Variants in PHACTR2 observed in about 807,000 individuals in gnomAD.
PHACTR2 encodes phosphatase and actin regulator 2.
Under a neutral mutation model 76.0 loss-of-function variants are expected in PHACTR2, and 30 were observed. That is an observed-to-expected ratio of 0.39 (90% confidence interval 0.30 to 0.54). The LOEUF is 0.54. PHACTR2 is among the 20% of genes least tolerant of loss of function. The pLI, the probability that PHACTR2 is intolerant of heterozygous loss-of-function variation, is 0.61. For missense variants in PHACTR2, 696 were observed against 781.1 expected, an observed-to-expected ratio of 0.89 and a Z score of 1.30; for synonymous variants, 292 against 292.5, an observed-to-expected ratio of 1.00 and a Z score of 0.02.
At chr6:143,560,884 T>G (rs369897935) in intron 1 of PHACTR2, among the ~76,000 whole-genome samples, 59 of 27,880 alleles carry the variant, frequency 2.1e-3, no homozygotes, top group South Asian at 5.7e-3. Flanking sequence ...AGCAGAGGGG[T>G]GTGTGTGTGT....
chr6:143,572,563 T>G (rs906855914), intron 1 of PHACTR2, among the ~76,000 whole-genome samples: 1 of 152,232 alleles, frequency 6.6e-6, no homozygotes, highest in African/African-American at 2.4e-5. Context: ...TGGTTGTTGT[T>G]GTTTTTGAAA....
intron 11 of PHACTR2, among the ~76,000 whole-genome samples, chr6:143,805,895 G>A (rs1776052821): frequency 6.6e-6 from 1 of 152,200 alleles, no homozygotes; most frequent in Non-Finnish European, 1.5e-5. Context: ...GAGAGAGCTA[G>A]AGACAGGCCT....
chr6:143,577,312 G>T (rs1244180382), intron 1 of PHACTR2, among the ~76,000 whole-genome samples: 1 of 152,130 alleles, frequency 6.6e-6, no homozygotes, highest in Admixed American at 6.5e-5. Context: ...CACAGTCAAG[G>T]TCATCAGTAT....
At chr6:143,668,059 C>T (rs6914096) in intron 1 of PHACTR2, among the ~76,000 whole-genome samples, 51,488 of 151,870 alleles carry the variant, frequency 0.34, 9,097 homozygotes, top group African/African-American at 0.45. Flanking sequence ...GTTTTATCAA[C>T]ACCTAGTTTA....
chr6:143,672,321 C>T lies in PHACTR2; in HGVS notation c.14-39695C>T, dbSNP rs535726497. ...AAAAAATTACAAATAATTAGCTGGG[C>T]ATGGTGGCAGGCACCCATAGTCCCA... On this transcript the variant is annotated intron_variant, in intron 1 of 11. Transcript: ENST00000305766. The surrounding 1 kb of genome is among the most constrained non-coding windows in gnomAD (Gnocchi z 5.8). Among the ~76,000 whole-genome samples, 1 of 151,848 alleles carries T rather than the reference C, an allele frequency of 6.6e-6. No individual in the cohort carries two copies. Among genetic ancestry groups the T allele is most frequent in the South Asian group, 2.1e-4 (1 of 4,806 alleles).
chr6:143,746,008 A>T (rs571101789), intron 2 of PHACTR2, among the ~76,000 whole-genome samples: 1 of 152,366 alleles, frequency 6.6e-6, no homozygotes, highest in South Asian at 2.1e-4. Context: ...ACTCAAAACT[A>T]AAACTAAAGA....
intron 1 of PHACTR2, among the ~76,000 whole-genome samples, chr6:143,703,185 T>TAACACA (rs1777957485): frequency 7.5e-6 from 1 of 133,032 alleles, no homozygotes; most frequent in Non-Finnish European, 1.6e-5. Flanking sequence ...AAAGAACAGG[T>TAACACA]AACACAAATC....
chr6:143,642,940 A>T (rs1380952885), intron 1 of PHACTR2, among the ~76,000 whole-genome samples: 1 of 152,210 alleles, frequency 6.6e-6, no homozygotes, highest in Admixed American at 6.5e-5. Context: ...TAACCCTAGC[A>T]TACTAATAGT....
chr6:143,700,452 G>A lies in PHACTR2; in HGVS notation c.47-11564G>A, dbSNP rs933562792. 2.6e-5 allele frequency among the ~76,000 whole-genome samples: 4 copies of A among 152,124 alleles called. 1 individual carries two copies. Among genetic ancestry groups the A allele is most frequent in the African/African-American group, 9.7e-5 (4 of 41,412 alleles). On this transcript the variant is annotated intron_variant, in intron 1 of 12. Coordinates refer to ENST00000440869, the MANE Select transcript of PHACTR2 (RefSeq NM_001100164.2). The surrounding 1 kb of genome is among the most constrained non-coding windows in gnomAD (Gnocchi z 4.1). ...CACCTGTAATCCCAGCTACTCGGGA[G>A]GCTGAGGCAAGAGAATCACTTGGAC... is the stretch of plus-strand genomic sequence containing the variant.
rs968742539 is a variant in PHACTR2, at chr6:143,780,152, T to A, written c.1645+2769T>A. ...TTTCCCCAACATTTTATTATGAAAA[T>A]TTTTAAACATGAAGAAAAGTTGGAG... is the stretch of plus-strand genomic sequence containing the variant. On this transcript the variant is annotated intron_variant, in intron 9 of 12. Coordinates refer to ENST00000440869, the MANE Select transcript of PHACTR2 (RefSeq NM_001100164.2). This position sits in a 1 kb window ranked among gnomAD's most constrained non-coding sequence, Gnocchi z 4.4. Among the ~76,000 whole-genome samples the A allele has an allele frequency of 6.6e-6, 1 of 152,064 alleles. No individual in the cohort carries two copies. Among genetic ancestry groups the A allele is most frequent in the Non-Finnish European group, 1.5e-5 (1 of 68,022 alleles).
At chr6:143,545,002 G>A (rs1380057416) in intron 1 of PHACTR2, among the ~76,000 whole-genome samples, 1 of 151,502 alleles carries the variant, frequency 6.6e-6, no homozygotes, top group East Asian at 1.9e-4. Flanking sequence ...GGAATGCAGT[G>A]GTGCCATCTC....
rs1193270636 is a variant in PHACTR2 at position 143,775,244 on chromosome 6, CA to C, written c.1589+1030del. ...TATCTGAAGGAAAAGCACAGCCTAC[CA>C]GGGAACCTCGGGGGAGGCTTAGAGG... On this transcript the variant is annotated intron_variant, in intron 8 of 12. Transcript: ENST00000440869. The surrounding 1 kb of genome is among the most constrained non-coding windows in gnomAD (Gnocchi z 4.4). Among the ~76,000 whole-genome samples, 1 of 152,178 alleles carries C rather than the reference CA, an allele frequency of 6.6e-6. No individual in the cohort carries two copies. Among genetic ancestry groups the C allele is most frequent in the Non-Finnish European group, 1.5e-5 (1 of 68,028 alleles).
At chr6:143,756,592 G>T (rs1009199341) in intron 4 of PHACTR2, among the ~76,000 whole-genome samples, 2 of 146,144 alleles carry the variant, frequency 1.4e-5, no homozygotes, top group Non-Finnish European at 3.0e-5. Flanking sequence ...CCAGCTACTC[G>T]GGAGGCTGAG....
chr6:143,753,935 T>G lies in PHACTR2; in HGVS notation c.454+23T>G. On this transcript the variant is annotated intron_variant, in intron 4 of 12. Transcript: ENST00000440869. The surrounding 1 kb of genome is among the most constrained non-coding windows in gnomAD (Gnocchi z 4.6). Reference sequence around the variant, plus strand: ...AAGGTAAAATAAAGACAAACCCATATTATTTACTTTAGTATATAGCTCAAT... The same window carrying G: ...AAGGTAAAATAAAGACAAACCCATAGTATTTACTTTAGTATATAGCTCAAT... 5 of 1,562,818 alleles carry G rather than the reference T, an allele frequency of 3.2e-6. No homozygotes were observed. The highest frequency in any genetic ancestry group is 4.3e-6 in the Non-Finnish European group (5 of 1,152,896).
intron 1 of PHACTR2, among the ~76,000 whole-genome samples, chr6:143,552,729 C>A (rs1460916857): frequency 6.6e-6 from 1 of 151,892 alleles, no homozygotes; most frequent in Non-Finnish European, 1.5e-5. Context: ...CATGGTGAAA[C>A]CCTGTCTCTA....
In PHACTR2 at chr6:143,616,349, T is replaced by A. The variant is rs1350164581; in HGVS notation, c.13+8027T>A. Reference sequence around the variant, plus strand: ...TACCTTTACAGGTGTCAAGTTCAAATCCTTATATTTATTGTTATTAGTAAT... The same window carrying A: ...TACCTTTACAGGTGTCAAGTTCAAAACCTTATATTTATTGTTATTAGTAAT... On this transcript the variant is annotated intron_variant, in intron 1 of 11. Coordinates refer to the PHACTR2 transcript ENST00000305766. This position sits in a 1 kb window ranked among gnomAD's most constrained non-coding sequence, Gnocchi z 4.9. Among the ~76,000 whole-genome samples, 1 of 152,208 alleles carries A rather than the reference T, an allele frequency of 6.6e-6. No individual in the cohort carries two copies. Among genetic ancestry groups the A allele is most frequent in the Non-Finnish European group, 1.5e-5 (1 of 68,030 alleles).
rs1778692333 is a variant in PHACTR2, at chr6:143,731,200, GACC to G, written c.215-17782_215-17780del. 5.9e-5 allele frequency among the ~76,000 whole-genome samples: 9 copies of G among 152,210 alleles called. No homozygotes were observed. The South Asian group carries it at 1.7e-3, about 28-fold the overall frequency. On this transcript the variant is annotated intron_variant, in intron 2 of 12. Transcript: ENST00000440869. The surrounding 1 kb of genome is among the most constrained non-coding windows in gnomAD (Gnocchi z 4.9). ...ATGGTCATTTCAGTTTTTTTCTTTAGACCACTATTATGGTTGATTACATTGGCA... is the reference window on the plus strand; with the variant it reads ...ATGGTCATTTCAGTTTTTTTCTTTAGACTATTATGGTTGATTACATTGGCA...
chr6:143,737,553 T>C (rs1778849081), intron 2 of PHACTR2, among the ~76,000 whole-genome samples: 2 of 152,146 alleles, frequency 1.3e-5, no homozygotes, highest in Non-Finnish European at 2.9e-5. Context: ...GAGACCCTGA[T>C]ATTACCCAAA....
chr6:143,666,909 T>G (rs929210064), intron 1 of PHACTR2, among the ~76,000 whole-genome samples: 61 of 152,240 alleles, frequency 4.0e-4, no homozygotes, highest in Admixed American at 1.3e-4. Flanking sequence ...ATTTTGGCTT[T>G]TGTTGCCATT....
Sources: gnomAD v4.1 joint callset for allele counts (sites outside exome capture counted in the v4.1 genomes callset) on GRCh38, gnomAD v4.1.1 for gene constraint, Gnocchi (gnomAD v3.1) non-coding constraint, MANE v1.5 for transcripts, NCBI Gene and HGNC (gene_info 2026-07-23, HGNC 2026-07-21) for gene names.